Variants in UMAD1 observed in about 807,000 individuals in gnomAD.
UMAD1 encodes the protein UBAP1-MVB12-associated (UMA)-domain containing protein 1.
UMAD1 carries 8 observed loss-of-function variants against 6.1 expected under a neutral mutation model. That is an observed-to-expected ratio of 1.30 (90% CI 0.76 to 2.35). The LOEUF (loss-of-function observed/expected upper bound fraction) is 2.35. Ranked by LOEUF, UMAD1 falls within the 30% of genes most tolerant of loss-of-function variation. The probability of loss-of-function intolerance (pLI) is 0.00; values close to 1 mark genes in which losing one functional copy is unlikely to be tolerated. For synonymous variants in UMAD1, 56 were observed against 31.4 expected, an observed-to-expected ratio of 1.78 and a Z score of -2.61; for missense variants, 130 against 78.4, an observed-to-expected ratio of 1.66 and a Z score of -2.49.
At chr7:7,737,788 G>A (rs766032172) in intron 2 of UMAD1, among the ~76,000 whole-genome samples, 8 of 152,152 alleles carry the variant, frequency 5.3e-5, no homozygotes, top group Non-Finnish European at 1.0e-4. Context: ...GTCTTTTTGT[G>A]TATAGTAACT....
intron 2 of UMAD1, among the ~76,000 whole-genome samples, chr7:7,749,451 G>C (rs1242412343): frequency 6.6e-6 from 1 of 152,140 alleles, no homozygotes; most frequent in Non-Finnish European, 1.5e-5. Context: ...AGGAACATTA[G>C]TTAATGCCTT....
chr7:7,836,916 A>G (rs760951500), intron 3 of UMAD1, among the ~76,000 whole-genome samples: 2 of 151,638 alleles, frequency 1.3e-5, no homozygotes, highest in Non-Finnish European at 2.9e-5. Context: ...GGCAGGGACA[A>G]TATATGAAAA....
intron 3 of UMAD1, among the ~76,000 whole-genome samples, chr7:7,810,030 A>G (rs977360866): frequency 3.4e-4 from 51 of 152,060 alleles, no homozygotes; most frequent in African/African-American, 1.2e-3. Context: ...AAGTATAGAA[A>G]AAAGGAGACT....
chr7:7,717,960 G>A (rs1780957599), intron 2 of UMAD1, among the ~76,000 whole-genome samples: 1 of 152,224 alleles, frequency 6.6e-6, no homozygotes, highest in Non-Finnish European at 1.5e-5. Context: ...ACAGAGTGCT[G>A]TAGATTCTGT....
intron 3 of UMAD1, among the ~76,000 whole-genome samples, chr7:7,870,955 T>C (rs1784321114): frequency 6.6e-6 from 1 of 152,226 alleles, no homozygotes; most frequent in Non-Finnish European, 1.5e-5. Context: ...AACTTAATTA[T>C]GAAAAATTTT....
At chr7:7,798,583 C>G (rs1782733655) in intron 2 of UMAD1, among the ~76,000 whole-genome samples, 1 of 152,182 alleles carries the variant, frequency 6.6e-6, no homozygotes, top group Non-Finnish European at 1.5e-5. Flanking sequence ...GTAATGAAAA[C>G]TGTCTGCAGG....
intron 3 of UMAD1, among the ~76,000 whole-genome samples, chr7:7,853,168 A>G (rs1783951460): frequency 6.6e-6 from 1 of 152,242 alleles, no homozygotes; most frequent in African/African-American, 2.4e-5. Context: ...CAGGACATTT[A>G]ATCGATTTCA....
At chr7:7,750,101 A>T (rs1347091918) in intron 2 of UMAD1, among the ~76,000 whole-genome samples, 2 of 152,184 alleles carry the variant, frequency 1.3e-5, no homozygotes, top group Non-Finnish European at 2.9e-5. Flanking sequence ...ATTATGGTCA[A>T]TTGCAATTAT....
chr7:7,813,306 G>A (rs796545616), intron 3 of UMAD1, among the ~76,000 whole-genome samples: 6 of 152,220 alleles, frequency 3.9e-5, no homozygotes, highest in African/African-American at 1.4e-4. Flanking sequence ...CTGAGTTCAG[G>A]CGATTCTCCT....
intron 2 of UMAD1, among the ~76,000 whole-genome samples, chr7:7,753,134 A>G (rs1380627159): frequency 6.6e-6 from 1 of 152,040 alleles, no homozygotes. Flanking sequence ...CTTTTTATTT[A>G]TTTTAATTTT....
intron 1 of UMAD1, among the ~76,000 whole-genome samples, chr7:7,643,268 A>G (rs1369021171): frequency 1.3e-5 from 2 of 152,228 alleles, no homozygotes; most frequent in African/African-American, 2.4e-5. Flanking sequence ...ATGATCTTCC[A>G]GGTACACTCC....
intron 2 of UMAD1, among the ~76,000 whole-genome samples, chr7:7,752,658 T>C (rs1781700229): frequency 6.6e-6 from 1 of 152,142 alleles, no homozygotes; most frequent in Admixed American, 6.5e-5. Flanking sequence ...CCAAATTATT[T>C]TTTAATTTCG....
At chr7:7,643,486 G>A (rs570481861) in intron 1 of UMAD1, among the ~76,000 whole-genome samples, 1 of 152,304 alleles carries the variant, frequency 6.6e-6, no homozygotes, top group South Asian at 2.1e-4. Flanking sequence ...TGAAGCGGGT[G>A]GATCACCTCA....
chr7:7,862,713 T>A (rs1488345319), intron 3 of UMAD1, among the ~76,000 whole-genome samples: 6 of 152,216 alleles, frequency 3.9e-5, no homozygotes, highest in African/African-American at 1.4e-4. Context: ...AACTGTTAGT[T>A]TAAACTCAGT....
chr7:7,686,882 A>G (rs1780053443), intron 2 of UMAD1, among the ~76,000 whole-genome samples: 1 of 151,692 alleles, frequency 6.6e-6, no homozygotes, highest in Admixed American at 6.6e-5. Flanking sequence ...TACCTTCCTT[A>G]CTCCTCTCCC....
At chr7:7,734,210 T>C (rs17136898) in intron 2 of UMAD1, among the ~76,000 whole-genome samples, 20,397 of 152,070 alleles carry the variant, frequency 0.13, 1,357 homozygotes, top group Middle Eastern at 0.21. Context: ...TGTTAGCTCA[T>C]GACATCTCAG....
chr7:7,860,604 CAAA>C (rs373823869), intron 3 of UMAD1, among the ~76,000 whole-genome samples: 18,986 of 93,718 alleles, frequency 0.2, 2,078 homozygotes, highest in Non-Finnish European at 0.28. Flanking sequence ...ACTAAAAATA[CAAA>C]AAAAAAAAAA....
chr7:7,847,832 T>G (rs984047986), intron 3 of UMAD1, among the ~76,000 whole-genome samples: 1 of 152,146 alleles, frequency 6.6e-6, no homozygotes, highest in African/African-American at 2.4e-5. Flanking sequence ...ATTACAGGCA[T>G]GAGGCACCCA....
chr7:7,773,174 A>C (rs1782135786), intron 2 of UMAD1, among the ~76,000 whole-genome samples: 1 of 152,232 alleles, frequency 6.6e-6, no homozygotes, highest in Non-Finnish European at 1.5e-5. Context: ...AGTTATATTT[A>C]CATTAACTTT....
Sources: gnomAD v4.1 joint callset for allele counts (sites outside exome capture counted in the v4.1 genomes callset) on GRCh38, gnomAD v4.1.1 for gene constraint, MANE v1.5 for transcripts, NCBI Gene and HGNC (gene_info 2026-07-23, HGNC 2026-07-21) for gene names.